Variants in STK3 observed in about 807,000 individuals in gnomAD.
STK3 encodes the protein serine/threonine-protein kinase 3.
A neutral mutation model predicts 58.0 loss-of-function variants in STK3; 41 were observed. The observed-to-expected ratio is 0.71, with a 90% CI of 0.55 to 0.92. The LOEUF (loss-of-function observed/expected upper bound fraction) is 0.92, where lower values mean the gene tolerates loss of function less well. Among genes scored for constraint, STK3 ranks in the 40% least tolerant of loss-of-function variants. The probability of loss-of-function intolerance (pLI) is 0.00; values close to 1 mark genes in which losing one functional copy is unlikely to be tolerated. For missense variants in STK3, 479 were observed against 602.7 expected, an observed-to-expected ratio of 0.79 and a Z score of 2.15; for synonymous variants, 170 against 191.0, an observed-to-expected ratio of 0.89 and a Z score of 0.91.
chr8:98,785,443 T>C (rs1832398709), intron 1 of STK3, among the ~76,000 whole-genome samples: 1 of 152,214 alleles, frequency 6.6e-6, no homozygotes. Context: ...GGTACACCTC[T>C]GGGTGCTTGG....
At chr8:98,694,619 C>A (rs956669948) in intron 6 of STK3, among the ~76,000 whole-genome samples, 1 of 152,006 alleles carries the variant, frequency 6.6e-6, no homozygotes, top group African/African-American at 2.4e-5. Flanking sequence ...CTTGTTCTTG[C>A]GATAGTTTAC....
At chr8:98,392,858 C>T (rs1817860895), upstream of STK3, among the ~76,000 whole-genome samples, 1 of 152,198 alleles carries the variant, frequency 6.6e-6, no homozygotes, top group Non-Finnish European at 1.5e-5. Context: ...ACCACTTCAG[C>T]TGGCACACAG....
rs528126184 is a variant in STK3 at position 98,477,115 on chromosome 8, T to A, written c.1318-21115A>T. Among the ~76,000 whole-genome samples, 46 of 152,288 alleles carry A rather than the reference T, an allele frequency of 3.0e-4. No homozygotes were observed. In the South Asian group the frequency reaches 9.1e-3, roughly 30 times the overall value. On this transcript the variant is annotated intron_variant, in intron 10 of 10. Transcript: ENST00000419617. ...ACAAACCTTGTTAAGCTAACCCTTATCTTCCTCGTTACTTCTCTGCCCAAT... is the reference window on the plus strand; with the variant it reads ...ACAAACCTTGTTAAGCTAACCCTTAACTTCCTCGTTACTTCTCTGCCCAAT...
intron 10 of STK3, among the ~76,000 whole-genome samples, chr8:98,481,637 G>A (rs1231291435): frequency 1.3e-5 from 2 of 151,764 alleles, no homozygotes; most frequent in Admixed American, 1.3e-4. Flanking sequence ...ACACTATTCG[G>A]GTGATGGGTA....
intron 1 of STK3, among the ~76,000 whole-genome samples, chr8:98,926,968 A>G (rs1029659948): frequency 4.6e-5 from 7 of 152,224 alleles, no homozygotes; most frequent in African/African-American, 1.7e-4. Flanking sequence ...CCGAATGCAG[A>G]CTAGGCTGTG....
chr8:98,589,352 C>T (rs1193817081), intron 7 of STK3, among the ~76,000 whole-genome samples: 1 of 152,202 alleles, frequency 6.6e-6, no homozygotes, highest in African/African-American at 2.4e-5. Context: ...TTGGAGTAAC[C>T]TGCCGTGTGA....
chr8:98,680,656 T>C (rs1189932461), intron 6 of STK3, among the ~76,000 whole-genome samples: 1 of 152,208 alleles, frequency 6.6e-6, no homozygotes, highest in Non-Finnish European at 1.5e-5. Context: ...AAGTAGAATG[T>C]AGCAACGATA....
chr8:98,682,423 G>T (rs984359487), intron 6 of STK3, among the ~76,000 whole-genome samples: 1 of 152,010 alleles, frequency 6.6e-6, no homozygotes, highest in African/African-American at 2.4e-5. Context: ...AGAGATTCAC[G>T]AGCATTCCAA....
chr8:98,795,731 T>C (rs1833116407), intron 1 of STK3, among the ~76,000 whole-genome samples: 1 of 152,072 alleles, frequency 6.6e-6, no homozygotes, highest in Non-Finnish European at 1.5e-5. Flanking sequence ...GTAGCATTTC[T>C]ATACACCAGT....
chr8:98,375,255 CAAAACAA>C (rs376180897), intron 2 of STK3, among the ~76,000 whole-genome samples: 2,712 of 46,362 alleles, frequency 0.058, 77 homozygotes, highest in African/African-American at 0.15. Context: ...AAGCTGTTTC[CAAAACAA>C]AAAAAAAACA....
intron 1 of STK3, among the ~76,000 whole-genome samples, chr8:98,902,348 T>G (rs959473084): frequency 6.6e-6 from 1 of 152,206 alleles, no homozygotes; most frequent in African/African-American, 2.4e-5. Context: ...TCCACTTAAA[T>G]GTCTCTAAGA....
At chr8:98,725,969 AC>A (rs1487736144) in intron 4 of STK3, among the ~76,000 whole-genome samples, 1 of 152,198 alleles carries the variant, frequency 6.6e-6, no homozygotes, top group Non-Finnish European at 1.5e-5. Flanking sequence ...CAACCCAAGC[AC>A]TGAAGCTTGG....
At chr8:98,741,442 C>G (rs908628165) in intron 4 of STK3, among the ~76,000 whole-genome samples, 2 of 152,198 alleles carry the variant, frequency 1.3e-5, no homozygotes, top group Non-Finnish European at 2.9e-5. Context: ...TTAAGACACT[C>G]ACTCAAAACC....
chr8:98,505,366 T>C (rs1392667672), intron 10 of STK3, among the ~76,000 whole-genome samples: 3 of 152,194 alleles, frequency 2.0e-5, no homozygotes, highest in African/African-American at 7.2e-5. Flanking sequence ...AGTTTGTTAT[T>C]ACCAACCTTC....
intron 10 of STK3, among the ~76,000 whole-genome samples, chr8:98,485,085 C>G (rs890031132): frequency 7.2e-5 from 11 of 151,920 alleles, no homozygotes; most frequent in African/African-American, 2.7e-4. Flanking sequence ...ACTAAAAATA[C>G]AAAAAATTAG....
At chr8:98,849,990 A>C (rs544825595) in intron 3 of STK3, among the ~76,000 whole-genome samples, 115 of 152,226 alleles carry the variant, frequency 7.6e-4, no homozygotes, top group African/African-American at 2.6e-3. Flanking sequence ...TCTATTATTC[A>C]ATCTCATAAT....
At chr8:98,816,885 C>T (rs1441768420) in intron 1 of STK3, among the ~76,000 whole-genome samples, 3 of 152,086 alleles carry the variant, frequency 2.0e-5, no homozygotes, top group African/African-American at 4.8e-5. Context: ...TCTAGCAATG[C>T]ACATTTGGGT....
chr8:98,768,709 G>A (rs928261184), intron 2 of STK3, among the ~76,000 whole-genome samples: 2 of 152,220 alleles, frequency 1.3e-5, no homozygotes, highest in African/African-American at 2.4e-5. Flanking sequence ...AAGAGAAGCT[G>A]CAATCCCCAC....
In STK3 at chr8:98,800,031, AAT is replaced by A. The variant is rs956782767; in HGVS notation, c.27-25214_27-25213del. On this transcript the variant is annotated intron_variant, in intron 1 of 10. Coordinates refer to ENST00000419617, the MANE Select transcript of STK3 (RefSeq NM_006281.4). This position sits in a 1 kb window ranked among gnomAD's most constrained non-coding sequence, Gnocchi z 4.8. ...AGCGTTTACAGGAAAAGGCTTCTGA[AAT>A]CAGACGCCTTTCAAATTCTTATACC... Among the ~76,000 whole-genome samples, 10 of 152,172 alleles carry A rather than the reference AAT, an allele frequency of 6.6e-5. No individual in the cohort carries two copies. The highest frequency in any genetic ancestry group is 2.4e-4 in the African/African-American group (10 of 41,438).
Sources: allele counts gnomAD v4.1 joint callset (sites outside exome capture counted in the v4.1 genomes callset), GRCh38; gene constraint gnomAD v4.1.1; non-coding constraint Gnocchi (gnomAD v3.1); transcripts MANE v1.5; gene names NCBI Gene and HGNC (gene_info 2026-07-23, HGNC 2026-07-21).